The following PRKAR1B variants were observed in gnomAD, a reference collection of about 807,000 sequenced individuals.
PRKAR1B encodes the protein protein kinase cAMP-dependent type I regulatory subunit beta, also known as cAMP-dependent protein kinase type I-beta regulatory subunit.
PRKAR1B carries 22 observed loss-of-function variants against 46.5 expected under a neutral mutation model. That is an observed-to-expected ratio of 0.47 (90% CI 0.34 to 0.68). The LOEUF (loss-of-function observed/expected upper bound fraction) is 0.68. PRKAR1B is among the 30% of genes least tolerant of loss of function. The pLI, the probability that PRKAR1B is intolerant of heterozygous loss-of-function variation, is 0.01. For missense variants in PRKAR1B, 445 were observed against 535.6 expected (o/e 0.83, Z 1.67); for synonymous variants, 259 against 217.7 (o/e 1.19, Z -1.67).
chr7:727,226 G>A lies in PRKAR1B; in HGVS notation c.-39C>T. On this transcript the variant is annotated 5_prime_UTR_variant, in exon 1 of 11. Transcript: ENST00000537384. Reference sequence around the variant, plus strand: ...GCGCCCCACCTGGACGACGCTCTGCGCGCGCTGCGCTGCTCCCTGCTCGAC... The same window carrying A: ...GCGCCCCACCTGGACGACGCTCTGCACGCGCTGCGCTGCTCCCTGCTCGAC... 7.4e-7 allele frequency: 1 copy of A among 1,347,716 alleles called. No homozygotes were observed. The highest frequency in any genetic ancestry group is 1.7e-5 in the South Asian group (1 of 57,414). 83.5% of individuals were successfully genotyped at this position (1,347,716 alleles called of 1,614,324 possible). A position where few individuals can be genotyped will look rare whatever the true frequency, so the allele number is the denominator to read the frequency against.
chr7:593,149 G>C lies in PRKAR1B; in HGVS notation c.708+2997C>G, dbSNP rs867810064. ...GGTGGGGTCACCCCATCCTTCCTCG[G>C]ATAAAACGTGAAGCGGTGGAGGAAA... is the stretch of plus-strand genomic sequence containing the variant. On this transcript the variant is annotated intron_variant, in intron 7 of 10. Coordinates refer to ENST00000537384, the MANE Select transcript of PRKAR1B (RefSeq NM_001164760.2). This position sits in a 1 kb window ranked among gnomAD's most constrained non-coding sequence, Gnocchi z 6.1. Among the ~76,000 whole-genome samples the C allele has an allele frequency of 1.3e-5, 2 of 152,220 alleles. No homozygotes were observed. The highest frequency in any genetic ancestry group is 4.1e-4 in the South Asian group (2 of 4,836).
intron 2 of PRKAR1B, among the ~76,000 whole-genome samples, chr7:691,200 G>A (rs556871099): frequency 6.6e-6 from 1 of 151,514 alleles, no homozygotes; most frequent in Non-Finnish European, 1.5e-5. Flanking sequence ...TACCCAAAGG[G>A]TCCTGTGCCC....
intron 2 of PRKAR1B, among the ~76,000 whole-genome samples, chr7:700,326 G>A (rs759087313): frequency 6.6e-6 from 1 of 152,200 alleles, no homozygotes; most frequent in Non-Finnish European, 1.5e-5. Flanking sequence ...GAGAGAACTT[G>A]CAGCATGGAC....
intron 9 of PRKAR1B, among the ~76,000 whole-genome samples, chr7:570,125 C>T (rs1163925698): frequency 6.6e-6 from 1 of 152,208 alleles, no homozygotes; most frequent in Non-Finnish European, 1.5e-5. Flanking sequence ...GAGGCCAAGC[C>T]CGGCACCTCG....
At chr7:674,718 C>T (rs534642650) in intron 4 of PRKAR1B, among the ~76,000 whole-genome samples, 15 of 152,330 alleles carry the variant, frequency 9.8e-5, no homozygotes, top group African/African-American at 3.6e-4. Context: ...CCTAGCTACT[C>T]TAGCTACACC....
intron 4 of PRKAR1B, among the ~76,000 whole-genome samples, chr7:622,327 C>T (rs530111342): frequency 1.2e-3 from 188 of 152,346 alleles, no homozygotes; most frequent in Non-Finnish European, 1.9e-3. Context: ...AGGACCCCCG[C>T]GCCACACAGG....
chr7:592,314 C>T (rs893936116), intron 7 of PRKAR1B, among the ~76,000 whole-genome samples: 2 of 152,250 alleles, frequency 1.3e-5, no homozygotes, highest in African/African-American at 4.8e-5. Context: ...ACCTTAGCAG[C>T]GTCCTCGAGG....
In PRKAR1B at chr7:680,711, T is replaced by C. The variant is rs1331695805; in HGVS notation, c.193A>G (p.Ile65Val). The change falls in exon 3 of 11, where the codon ATT becomes GTT. Residue 65 changes from isoleucine to valine, a missense_variant. Transcript: ENST00000537384. ...EKLEKEENRQ[I>V]LARQKSNSQS... is the part of the protein sequence containing the mutation. ...GAGTTTGACTTTTGCCGCGCCAAAATCTGCCTGTTTTCTTCCTGTGTGGGA... is the reference window on the plus strand; with the variant it reads ...GAGTTTGACTTTTGCCGCGCCAAAACCTGCCTGTTTTCTTCCTGTGTGGGA... 1 of 1,613,962 alleles carries C rather than the reference T, an allele frequency of 6.2e-7. No individual in the cohort carries two copies. Among genetic ancestry groups the C allele is most frequent in the Non-Finnish European group, 8.5e-7 (1 of 1,180,000 alleles).
chr7:664,432 C>T lies in PRKAR1B; in HGVS notation c.440+12797G>A, dbSNP rs138183440. ...TCCCTGCCCGGGGCAGTGGGCCTTCCTGCACCTTCTCTGGGCCTCGGGTCC... is the reference window on the plus strand; with the variant it reads ...TCCCTGCCCGGGGCAGTGGGCCTTCTTGCACCTTCTCTGGGCCTCGGGTCC... On this transcript the variant is annotated intron_variant, in intron 4 of 10. Transcript: ENST00000537384. Among the ~76,000 whole-genome samples the T allele has an allele frequency of 8.0e-3, 1,219 of 152,314 alleles. 18 individuals carry two copies. Among genetic ancestry groups the T allele is most frequent in the African/African-American group, 0.027 (1,134 of 41,578 alleles).
rs1260855733 is a variant in PRKAR1B at position 698,725 on chromosome 7, C to T, written c.177+12604G>A. Reference sequence around the variant, plus strand: ...GCACAGCTATGCATCTGGGTAAGTGCGTGTGTTTTAATGCATGTGCACACA... The same window carrying T: ...GCACAGCTATGCATCTGGGTAAGTGTGTGTGTTTTAATGCATGTGCACACA... On this transcript the variant is annotated intron_variant, in intron 2 of 10. Coordinates refer to ENST00000537384, the MANE Select transcript of PRKAR1B (RefSeq NM_001164760.2). Among the ~76,000 whole-genome samples the T allele has an allele frequency of 3.3e-5, 5 of 151,802 alleles. No individual in the cohort carries two copies. The South Asian group carries it at 6.3e-4, about 19-fold the overall frequency.
At chr7:575,246 T>C (rs1397551699) in intron 9 of PRKAR1B, among the ~76,000 whole-genome samples, 1 of 152,188 alleles carries the variant, frequency 6.6e-6, no homozygotes, top group African/African-American at 2.4e-5. Context: ...ATGGCAGCTG[T>C]TGACACTGGG....
intron 4 of PRKAR1B, among the ~76,000 whole-genome samples, chr7:649,230 T>C (rs1784772626): frequency 6.6e-6 from 1 of 152,214 alleles, no homozygotes; most frequent in Non-Finnish European, 1.5e-5. Context: ...GCTCCTTTTC[T>C]CCTCGAATGA....
intron 2 of PRKAR1B, among the ~76,000 whole-genome samples, chr7:703,680 G>T (rs534493568): frequency 3.3e-5 from 5 of 150,870 alleles, no homozygotes; most frequent in Admixed American, 2.7e-4. Context: ...AAATCAGCAG[G>T]AATGCAAAAG....
intron 6 of PRKAR1B, among the ~76,000 whole-genome samples, chr7:605,762 A>G (rs1031388246): frequency 1.3e-5 from 2 of 152,148 alleles, no homozygotes; most frequent in Non-Finnish European, 1.5e-5. Flanking sequence ...CCGTTGTTTG[A>G]TCGTGAAGTC....
intron 9 of PRKAR1B, among the ~76,000 whole-genome samples, chr7:562,371 C>T (rs905024386): frequency 2.0e-5 from 3 of 152,174 alleles, no homozygotes; most frequent in Non-Finnish European, 4.4e-5. Flanking sequence ...AGGGCCCTGT[C>T]GCCTCCAGCT....
chr7:593,671 G>A lies in PRKAR1B; in HGVS notation c.708+2475C>T, dbSNP rs544548352. 1.7e-3 allele frequency among the ~76,000 whole-genome samples: 257 copies of A among 152,282 alleles called. 2 individuals are homozygous for A. Among genetic ancestry groups the A allele is most frequent in the African/African-American group, 5.5e-3 (230 of 41,572 alleles). On this transcript the variant is annotated intron_variant, in intron 7 of 10. Transcript: ENST00000537384. This position sits in a 1 kb window ranked among gnomAD's most constrained non-coding sequence, Gnocchi z 6.1. ...CCCCTCTCAGGGGGAGGGTGTCTCA[G>A]GGGACCCCTCCCACGCGGCGACAGA...
At chr7:719,421 C>T (rs1780997320) in intron 1 of PRKAR1B, among the ~76,000 whole-genome samples, 1 of 152,134 alleles carries the variant, frequency 6.6e-6, no homozygotes, top group African/African-American at 2.4e-5. Context: ...TCAAGCAATC[C>T]TCCTGCCTCA....
intron 9 of PRKAR1B, chr7:578,960 G>T: frequency 1.7e-6 from 2 of 1,156,870 alleles, no homozygotes; most frequent in East Asian, 5.1e-5. Context: ...GGGATGACAG[G>T]CGTGAGCCGC....
chr7:675,264 A>C (rs975774241), intron 4 of PRKAR1B, among the ~76,000 whole-genome samples: 1 of 152,194 alleles, frequency 6.6e-6, no homozygotes, highest in African/African-American at 2.4e-5. Flanking sequence ...CCATCACCCC[A>C]TCACTGGCGA....
Sources: gnomAD v4.1 joint callset for allele counts (sites outside exome capture counted in the v4.1 genomes callset) on GRCh38, gnomAD v4.1.1 for gene constraint, Gnocchi (gnomAD v3.1) non-coding constraint, MANE v1.5 for transcripts, NCBI Gene and HGNC (gene_info 2026-07-23, HGNC 2026-07-21) for gene names.